TAFA1: variants seen among roughly 807,000 people sequenced by gnomAD.
TAFA1 encodes TAFA chemokine like family member 1.
A neutral mutation model predicts 18.5 loss-of-function variants in TAFA1; 4 were observed. The observed-to-expected ratio is 0.22, with a 90% CI of 0.11 to 0.49. The LOEUF is 0.49. Ranked by LOEUF, TAFA1 falls within the 20% of genes least tolerant of loss-of-function variation. TAFA1 has a pLI of 0.98. For missense variants in TAFA1, 147 were observed against 169.0 expected (o/e 0.87, Z 0.72); for synonymous variants, 56 against 55.2 (o/e 1.01, Z -0.06).
At chr3:68,076,721 G>A (rs1386919450) in intron 2 of TAFA1, among the ~76,000 whole-genome samples, 1 of 152,374 alleles carries the variant, frequency 6.6e-6, no homozygotes, top group African/African-American at 2.4e-5. Context: ...TGGACATTTG[G>A]GTTGGTTCCA....
chr3:68,020,788 C>T (rs886070535), intron 2 of TAFA1, among the ~76,000 whole-genome samples: 3 of 152,044 alleles, frequency 2.0e-5, no homozygotes, highest in Non-Finnish European at 4.4e-5. Flanking sequence ...AATAGTTGGC[C>T]ACATGTTCTA....
At chr3:68,483,823 T>C (rs2072282853) in intron 3 of TAFA1, among the ~76,000 whole-genome samples, 3 of 152,200 alleles carry the variant, frequency 2.0e-5, no homozygotes, top group Admixed American at 1.3e-4. Context: ...AAAGGGCCAG[T>C]GTCACTGGAG....
intron 2 of TAFA1, among the ~76,000 whole-genome samples, chr3:68,230,874 A>G (rs1046391745): frequency 3.9e-5 from 6 of 152,156 alleles, no homozygotes; most frequent in African/African-American, 1.4e-4. Context: ...GATATTAGTG[A>G]TGTTGAATAT....
rs59861876 is a variant in TAFA1 at position 68,531,016 on chromosome 3, CAACAA to C, written c.260-7705_260-7701del. ...TTAGCATTATAATGATTAACAACAA[CAACAA>C]AACAAAACAAAACAAAACAAAACAA... is the stretch of plus-strand genomic sequence containing the variant. On this transcript the variant is annotated intron_variant, in intron 3 of 4. Transcript: ENST00000478136. Among the ~76,000 whole-genome samples, 1,365 of 147,622 alleles carry C rather than the reference CAACAA, an allele frequency of 9.2e-3. 22 individuals carry two copies. The highest frequency in any genetic ancestry group is 0.03 in the African/African-American group (1,182 of 39,626).
intron 2 of TAFA1, among the ~76,000 whole-genome samples, chr3:68,301,069 A>T (rs13434380): frequency 0.063 from 9,645 of 152,288 alleles, 475 homozygotes; most frequent in African/African-American, 0.13. Context: ...TAGCACCTTT[A>T]GTAAAGGTAA....
At chr3:68,101,954 A>C (rs2065152900) in intron 2 of TAFA1, among the ~76,000 whole-genome samples, 1 of 152,198 alleles carries the variant, frequency 6.6e-6, no homozygotes, top group Non-Finnish European at 1.5e-5. Flanking sequence ...AATTGCATGA[A>C]GAATGCTAAG....
At chr3:68,100,147 A>ATACAATAAAT in intron 2 of TAFA1, among the ~76,000 whole-genome samples, 1 of 152,074 alleles carries the variant, frequency 6.6e-6, no homozygotes, top group African/African-American at 2.4e-5. Context: ...CCTGAATATA[A>ATACAATAAAT]AATAAAAATT....
At chr3:68,341,981 A>T (rs368820212) in intron 2 of TAFA1, among the ~76,000 whole-genome samples, 36 of 152,270 alleles carry the variant, frequency 2.4e-4, no homozygotes, top group African/African-American at 7.9e-4. Flanking sequence ...TGGTTGAATG[A>T]AGGCACGTTT....
At chr3:68,382,220 G>A (rs1000591654) in intron 2 of TAFA1, among the ~76,000 whole-genome samples, 5 of 152,146 alleles carry the variant, frequency 3.3e-5, no homozygotes, top group Admixed American at 2.0e-4. Context: ...TGTTCATCAA[G>A]GATATTAGTC....
At chr3:68,528,994 A>T (rs1448101376) in intron 3 of TAFA1, among the ~76,000 whole-genome samples, 3 of 151,738 alleles carry the variant, frequency 2.0e-5, no homozygotes, top group Non-Finnish European at 4.4e-5. Flanking sequence ...AATCCTCACA[A>T]CCCTTTGATA....
At chr3:68,002,324 A>G (rs1252716660), upstream of TAFA1, among the ~76,000 whole-genome samples, 1 of 152,200 alleles carries the variant, frequency 6.6e-6, no homozygotes, top group Admixed American at 6.5e-5. Flanking sequence ...TTTTTTCTTA[A>G]TTGTCAGCAA....
intron 2 of TAFA1, among the ~76,000 whole-genome samples, chr3:68,375,119 T>G (rs1037513362): frequency 6.6e-6 from 1 of 152,196 alleles, no homozygotes; most frequent in Admixed American, 6.6e-5. Context: ...CAGATTTTTT[T>G]GTGTGTTCCC....
At chr3:68,339,926 T>C (rs1258950278) in intron 2 of TAFA1, among the ~76,000 whole-genome samples, 2 of 152,202 alleles carry the variant, frequency 1.3e-5, no homozygotes, top group African/African-American at 4.8e-5. Flanking sequence ...GCTCACAAAA[T>C]GCAGCTATGA....
chr3:68,176,921 G>C (rs1454558825), intron 2 of TAFA1, among the ~76,000 whole-genome samples: 1 of 152,070 alleles, frequency 6.6e-6, no homozygotes, highest in East Asian at 1.9e-4. Context: ...GGGGGAAATT[G>C]ATTCAGTTGT....
chr3:68,197,138 TATATA>T (rs2107028818), intron 2 of TAFA1, among the ~76,000 whole-genome samples: 1 of 151,854 alleles, frequency 6.6e-6, no homozygotes, highest in African/African-American at 2.4e-5. Flanking sequence ...TTGGTAAATA[TATATA>T]ATCACCAACT....
intron 2 of TAFA1, among the ~76,000 whole-genome samples, chr3:68,054,375 A>G (rs375349500): frequency 7.8e-4 from 118 of 152,116 alleles, no homozygotes; most frequent in African/African-American, 2.6e-3. Flanking sequence ...TCTCCATGTG[A>G]TCTGTTCACT....
At chr3:68,157,226 C>T (rs1309238884) in intron 2 of TAFA1, among the ~76,000 whole-genome samples, 2 of 152,122 alleles carry the variant, frequency 1.3e-5, no homozygotes, top group Non-Finnish European at 2.9e-5. Flanking sequence ...TTACAACATG[C>T]TCTTGAGCAT....
At chr3:68,266,877 A>C (rs1279487776) in intron 2 of TAFA1, among the ~76,000 whole-genome samples, 1 of 152,178 alleles carries the variant, frequency 6.6e-6, no homozygotes, top group African/African-American at 2.4e-5. Flanking sequence ...ATTTGAAGCT[A>C]CGTGTCCTGC....
intron 2 of TAFA1, among the ~76,000 whole-genome samples, chr3:68,213,948 C>CA (rs906396496): frequency 1.1e-4 from 16 of 151,780 alleles, no homozygotes; most frequent in Admixed American, 3.3e-4. Flanking sequence ...ATTATACACA[C>CA]AAAAAAAGAC....
Sources: gnomAD v4.1 joint callset for allele counts (sites outside exome capture counted in the v4.1 genomes callset) on GRCh38, gnomAD v4.1.1 for gene constraint, MANE v1.5 for transcripts, NCBI Gene and HGNC (gene_info 2026-07-23, HGNC 2026-07-21) for gene names.